Variants in CNBD2 observed in about 807,000 individuals in gnomAD.
CNBD2 encodes cyclic nucleotide-binding domain-containing protein 2.
In CNBD2, 64 loss-of-function variants were observed where a neutral mutation model predicts 63.7. The observed-to-expected ratio is 1.00, with a 90% CI of 0.82 to 1.24. The LOEUF (loss-of-function observed/expected upper bound fraction) is 1.24. Among genes scored for constraint, CNBD2 ranks in the 50% most tolerant of loss-of-function variants. CNBD2 has a pLI of 0.00. For missense variants in CNBD2, 691 were observed against 713.5 expected (o/e 0.97, Z 0.36); for synonymous variants, 229 against 255.4 (o/e 0.90, Z 0.99).
chr20:36,028,936 A>C (rs1443012799), intron 11 of CNBD2, among the ~76,000 whole-genome samples: 3 of 152,118 alleles, frequency 2.0e-5, no homozygotes, highest in African/African-American at 4.8e-5. Flanking sequence ...TGGTCTCCTA[A>C]AGTGCTGGGA....
intron 3 of CNBD2, among the ~76,000 whole-genome samples, chr20:35,976,992 C>G (rs1262441454): frequency 1.3e-5 from 2 of 152,098 alleles, no homozygotes; most frequent in African/African-American, 4.8e-5. Context: ...TTTTCGTGCC[C>G]CCTCGTGTAT....
intron 8 of CNBD2, among the ~76,000 whole-genome samples, chr20:36,004,504 G>A (rs190556774): frequency 1.3e-5 from 2 of 152,164 alleles, no homozygotes; most frequent in Admixed American, 1.3e-4. Context: ...GCAGTAGTAG[G>A]GCTCACCTCA....
chr20:35,973,309 C>T, intron 2 of CNBD2: 1 of 156,010 alleles, frequency 6.4e-6, no homozygotes, highest in Non-Finnish European at 1.4e-5. Flanking sequence ...CCAGGGTTTT[C>T]TAAATGCCCA....
intron 8 of CNBD2, among the ~76,000 whole-genome samples, chr20:36,002,774 C>T (rs188918196): frequency 2.6e-5 from 4 of 151,826 alleles, no homozygotes; most frequent in African/African-American, 2.4e-5. Flanking sequence ...TTCTGGGATT[C>T]CTGGGTTTGT....
Position 35,987,505 on chromosome 20 carries a change from A to T in CNBD2, c.827A>T (p.Glu276Val). 2 of 1,614,162 alleles carry T rather than the reference A, an allele frequency of 1.2e-6. No homozygotes were observed. Among genetic ancestry groups the T allele is most frequent in the Non-Finnish European group, 1.7e-6 (2 of 1,180,020 alleles). ...CAGCTGATCTCAAAAGATTTTGGAGAGTCACCCTTCATCATGTTTATCAGC... is the reference window on the plus strand; with the variant it reads ...CAGCTGATCTCAAAAGATTTTGGAGTGTCACCCTTCATCATGTTTATCAGC... Reference protein sequence around the residue: ...YGQLISKDFGESPFIMFISKG... With the variant: ...YGQLISKDFGVSPFIMFISKG... Residue 276 changes from glutamate (E) to valine (V), a missense_variant, in exon 7 of 12, where the codon GAG becomes GTG. Coordinates refer to ENST00000373973, the MANE Select transcript of CNBD2 (RefSeq NM_001365709.1).
intron 11 of CNBD2, among the ~76,000 whole-genome samples, chr20:36,025,597 T>C (rs971773939): frequency 7.2e-5 from 11 of 152,298 alleles, no homozygotes; most frequent in African/African-American, 2.6e-4. Context: ...TGCTGAGATT[T>C]ACTTTTATAA....
At position 35,975,940 on chromosome 20, in the gene CNBD2, T is replaced by C; in HGVS notation, c.190-9T>C. On this transcript the variant is annotated splice_polypyrimidine_tract_variant and intron_variant, in intron 2 of 11. Coordinates refer to ENST00000373973, the MANE Select transcript of CNBD2 (RefSeq NM_001365709.1). ...ATTCTCCCTCTTCTCCCTGCCCTCT[T>C]TCTTTCAGAAAAAGATGCAAAGCCG... is the stretch of plus-strand genomic sequence containing the variant. 1 of 1,612,136 alleles carries C rather than the reference T, an allele frequency of 6.2e-7. No individual in the cohort carries two copies. Among genetic ancestry groups the C allele is most frequent in the South Asian group, 1.1e-5 (1 of 90,960 alleles).
At chr20:36,014,253 G>C (rs1388434458) in intron 10 of CNBD2, among the ~76,000 whole-genome samples, 2 of 151,332 alleles carry the variant, frequency 1.3e-5, no homozygotes, top group Admixed American at 6.6e-5. Flanking sequence ...TCAGATAATA[G>C]GGCCTAAAAG....
chr20:35,959,942 G>C (rs1601000241), downstream of CNBD2, among the ~76,000 whole-genome samples: 1 of 152,136 alleles, frequency 6.6e-6, no homozygotes, highest in African/African-American at 2.4e-5. Flanking sequence ...TGAACACTTA[G>C]ATTATTTCTG....
At chr20:36,026,186 A>T (rs2057281205) in intron 11 of CNBD2, among the ~76,000 whole-genome samples, 1 of 152,124 alleles carries the variant, frequency 6.6e-6, no homozygotes, top group South Asian at 2.1e-4. Context: ...GGCAGGCGCC[A>T]CCATGCCTGG....
intron 1 of CNBD2, among the ~76,000 whole-genome samples, chr20:35,971,030 C>T (rs1199463999): frequency 1.3e-5 from 2 of 149,720 alleles, no homozygotes; most frequent in Non-Finnish European, 1.5e-5. Context: ...TCACTGCAAG[C>T]TCCGCCTCCC....
At chr20:36,024,055 G>T (rs1481428106) in intron 11 of CNBD2, among the ~76,000 whole-genome samples, 2 of 152,256 alleles carry the variant, frequency 1.3e-5, no homozygotes, top group East Asian at 3.9e-4. Context: ...TCATTGCAGG[G>T]TTGGGTGCGA....
intron 8 of CNBD2, among the ~76,000 whole-genome samples, chr20:36,001,437 G>A (rs2056900438): frequency 6.6e-6 from 1 of 151,442 alleles, no homozygotes; most frequent in Non-Finnish European, 1.5e-5. Flanking sequence ...CCCAGTAGGG[G>A]CGGCCGGGCA....
chr20:35,966,620 G>C (rs1682540040), upstream of CNBD2, among the ~76,000 whole-genome samples: 1 of 152,064 alleles, frequency 6.6e-6, no homozygotes, highest in Admixed American at 6.6e-5. Flanking sequence ...TTTGACACTT[G>C]ATTTGGGTGA....
intron 11 of CNBD2, among the ~76,000 whole-genome samples, chr20:36,025,244 G>A (rs561192991): frequency 1.3e-5 from 2 of 152,168 alleles, no homozygotes; most frequent in Non-Finnish European, 2.9e-5. Context: ...AAGCAAAAAT[G>A]ACAATGCCTA....
At chr20:35,984,854 G>T in intron 6 of CNBD2, 76 bp downstream of exon 6, 1 of 1,454,610 alleles carries the variant, frequency 6.9e-7, no homozygotes. Context: ...TCCTAGGCCT[G>T]GTGGGAAACA....
At chr20:35,983,466 G>A (rs1439016046) in intron 4 of CNBD2, among the ~76,000 whole-genome samples, 1 of 152,026 alleles carries the variant, frequency 6.6e-6, no homozygotes, top group African/African-American at 2.4e-5. Flanking sequence ...TGGGCTGCTG[G>A]TAATTATGAT....
intron 4 of CNBD2, among the ~76,000 whole-genome samples, chr20:35,982,605 C>T (rs2056612443): frequency 6.6e-6 from 1 of 152,162 alleles, no homozygotes; most frequent in African/African-American, 2.4e-5. Context: ...TGGATAAAGG[C>T]CCCTTCTCTG....
At chr20:36,000,123 C>T (rs139546386) in intron 8 of CNBD2, among the ~76,000 whole-genome samples, 270 of 152,318 alleles carry the variant, frequency 1.8e-3, no homozygotes, top group African/African-American at 6.3e-3. Context: ...GCCTGAAGTA[C>T]TTCCTTTAAC....
Sources: allele counts gnomAD v4.1 joint callset (sites outside exome capture counted in the v4.1 genomes callset), GRCh38; gene constraint gnomAD v4.1.1; transcripts MANE v1.5; gene names NCBI Gene and HGNC (gene_info 2026-07-23, HGNC 2026-07-21).